The following SLC16A7 variants were observed in gnomAD, a reference collection of about 807,000 sequenced individuals.
SLC16A7 encodes the protein solute carrier family 16 member 7, also known as monocarboxylate transporter 2.
In SLC16A7, 33 loss-of-function variants were observed where a neutral mutation model predicts 34.9. That is an observed-to-expected ratio of 0.94 (90% CI 0.72 to 1.26). The LOEUF (loss-of-function observed/expected upper bound fraction) is 1.26. SLC16A7 is among the 50% of genes most tolerant of loss of function. The probability of loss-of-function intolerance (pLI) is 0.00; values close to 1 mark genes in which losing one functional copy is unlikely to be tolerated. For missense variants in SLC16A7, 573 were observed against 578.1 expected (o/e 0.99, Z 0.09); for synonymous variants, 201 against 206.6 (o/e 0.97, Z 0.23).
At chr12:59,764,368 C>G (rs1592672332) in intron 3 of SLC16A7, among the ~76,000 whole-genome samples, 1 of 152,246 alleles carries the variant, frequency 6.6e-6, no homozygotes, top group South Asian at 2.1e-4. Flanking sequence ...TTTTAGAGTA[C>G]ATGTGCACAA....
At chr12:59,688,458 G>C (rs1176725794) in intron 2 of SLC16A7, among the ~76,000 whole-genome samples, 2 of 152,046 alleles carry the variant, frequency 1.3e-5, no homozygotes, top group African/African-American at 2.4e-5. Flanking sequence ...TGACATCTTT[G>C]AACTTTATTT....
chr12:59,723,728 T>C (rs35399130), intron 3 of SLC16A7, among the ~76,000 whole-genome samples: 11,823 of 152,114 alleles, frequency 0.078, 554 homozygotes, highest in Middle Eastern at 0.18. Context: ...CTCTGTGTGC[T>C]ATTATTAGGT....
intron 2 of SLC16A7, among the ~76,000 whole-genome samples, chr12:59,704,021 A>T (rs1364142065): frequency 6.6e-6 from 1 of 151,240 alleles, no homozygotes; most frequent in Admixed American, 6.6e-5. Flanking sequence ...GGCCAACATG[A>T]CGAAACCCCA....
Position 59,785,862 on chromosome 12 carries a change from T to G in SLC16A7, c.*6183T>G, listed in dbSNP as rs1206441117. 1 of 151,996 alleles carries G rather than the reference T, an allele frequency of 6.6e-6. No homozygotes were observed. Among genetic ancestry groups the G allele is most frequent in the Non-Finnish European group, 1.5e-5 (1 of 68,006 alleles). 9.4% of individuals were successfully genotyped at this position (151,996 alleles called of 1,614,324 possible). On this transcript the variant is annotated 3_prime_UTR_variant, in exon 6 of 6. Transcript: ENST00000547379. ...GAAAACACTGATACTGAACATTCTA[T>G]TAAAATAGAATAAGTTCGTGTAGGG...
intron 2 of SLC16A7, among the ~76,000 whole-genome samples, chr12:59,677,133 TC>T (rs1352548242): frequency 1.3e-5 from 2 of 152,178 alleles, no homozygotes; most frequent in African/African-American, 4.8e-5. Context: ...TATAATGGAA[TC>T]TAGGATGAGA....
In SLC16A7 at chr12:59,649,960, CA is replaced by C. The variant is rs200723528; in HGVS notation, c.-129-5183del. 2.0e-3 allele frequency among the ~76,000 whole-genome samples: 296 copies of C among 149,560 alleles called. 1 individual carries two copies. Among genetic ancestry groups the C allele is most frequent in the African/African-American group, 6.6e-3 (269 of 40,848 alleles). On this transcript the variant is annotated intron_variant, in intron 1 of 5. Transcript: ENST00000547379. ...GTGGAACTCCATCCCCCCTCCCCAC[CA>C]AAAAAAAAGTTCTAAAAATATTAGT...
chr12:59,653,852 C>A (rs1411865511), intron 1 of SLC16A7, among the ~76,000 whole-genome samples: 3 of 151,548 alleles, frequency 2.0e-5, no homozygotes, highest in African/African-American at 7.3e-5. Context: ...GTTCTGTTTT[C>A]TTTGGCCTTA....
At chr12:59,772,753 G>T (rs529304892) in intron 4 of SLC16A7, among the ~76,000 whole-genome samples, 1 of 152,064 alleles carries the variant, frequency 6.6e-6, no homozygotes, top group Admixed American at 6.6e-5. Context: ...TGTAAAAAAT[G>T]AATACGTAGT....
At position 59,730,278 on chromosome 12, in the gene SLC16A7, A is replaced by G. The variant is rs573597601; in HGVS notation, c.217+25260A>G. 1.1e-4 allele frequency among the ~76,000 whole-genome samples: 16 copies of G among 151,898 alleles called. No homozygotes were observed. The South Asian group carries it at 3.3e-3, about 32-fold the overall frequency. On this transcript the variant is annotated intron_variant, in intron 3 of 5. Coordinates refer to ENST00000547379, the MANE Select transcript of SLC16A7 (RefSeq NM_001270623.2). ...CCGTTAGCACTGTCTACCAAAAATA[A>G]CTTAATTTTCTACTCCCGTCCACAT...
rs769714200 is a variant in SLC16A7 at position 59,775,223 on chromosome 12, C to T, written c.928C>T (p.Arg310Ter). Reference protein sequence around the residue: ...VGLIANSKYIRPRIQYFFSFA... With the variant: ...VGLIANSKYI ...ATTAATTGCAAACTCCAAATATATTCGACCTCGAATTCAGTACTTCTTCAG... is the reference window on the plus strand; with the variant it reads ...ATTAATTGCAAACTCCAAATATATTTGACCTCGAATTCAGTACTTCTTCAG... The change falls in exon 5 of 6, where the codon CGA becomes TGA. Residue 310 changes from arginine (R) to a stop codon, truncating the protein, a stop_gained. Transcript: ENST00000547379. LOFTEE classifies it high-confidence loss of function. 6.8e-6 allele frequency: 11 copies of T among 1,614,072 alleles called. No individual in the cohort carries two copies. The highest frequency in any genetic ancestry group is 1.7e-5 in the Admixed American group (1 of 59,994).
At chr12:59,768,113 T>G in intron 3 of SLC16A7, 1 of 449,692 alleles carries the variant, frequency 2.2e-6, no homozygotes, top group Non-Finnish European at 4.4e-6. Flanking sequence ...AAATACATTT[T>G]GTAAGCTTAC....
intron 3 of SLC16A7, among the ~76,000 whole-genome samples, chr12:59,743,603 T>C (rs777270322): frequency 2.6e-5 from 4 of 152,226 alleles, no homozygotes; most frequent in African/African-American, 4.8e-5. Flanking sequence ...TTGTAAAAAT[T>C]GTCTAAATCA....
intron 3 of SLC16A7, among the ~76,000 whole-genome samples, chr12:59,706,176 A>G (rs1180352500): frequency 2.0e-5 from 3 of 152,150 alleles, no homozygotes; most frequent in African/African-American, 7.2e-5. Context: ...CTTTACATCT[A>G]GAGAGTGACA....
At chr12:59,764,547 T>C (rs1487617554) in intron 3 of SLC16A7, among the ~76,000 whole-genome samples, 3 of 148,648 alleles carry the variant, frequency 2.0e-5, no homozygotes, top group Non-Finnish European at 4.5e-5. Context: ...GTGTTCTCAT[T>C]GTTCAATTCC....
intron 1 of SLC16A7, among the ~76,000 whole-genome samples, chr12:59,623,439 C>T (rs1465909226): frequency 1.3e-5 from 2 of 151,264 alleles, no homozygotes; most frequent in Admixed American, 1.3e-4. Context: ...GGCCTATCTC[C>T]CTATTCTGGT....
chr12:59,773,328 T>C (rs1410023037), intron 4 of SLC16A7, among the ~76,000 whole-genome samples: 1 of 152,266 alleles, frequency 6.6e-6, no homozygotes, highest in East Asian at 1.9e-4. Flanking sequence ...TTGTCAGCTT[T>C]TAGGGGTCCT....
At chr12:59,647,590 C>T (rs1868268600) in intron 1 of SLC16A7, among the ~76,000 whole-genome samples, 1 of 150,920 alleles carries the variant, frequency 6.6e-6, no homozygotes, top group African/African-American at 2.4e-5. Flanking sequence ...GAAATGATCA[C>T]ATCAGGTAAA....
chr12:59,636,791 T>C (rs1880449197), intron 1 of SLC16A7, among the ~76,000 whole-genome samples: 1 of 152,176 alleles, frequency 6.6e-6, no homozygotes, highest in Admixed American at 6.6e-5. Context: ...AATGTTATAC[T>C]AGTTTTATGT....
intron 3 of SLC16A7, among the ~76,000 whole-genome samples, chr12:59,726,538 T>G (rs1269544280): frequency 6.6e-6 from 1 of 152,150 alleles, no homozygotes; most frequent in East Asian, 1.9e-4. Flanking sequence ...TTACTGCTCT[T>G]GGATATTGAA....
Sources: allele counts gnomAD v4.1 joint callset (sites outside exome capture counted in the v4.1 genomes callset), GRCh38; gene constraint gnomAD v4.1.1; transcripts MANE v1.5; gene names NCBI Gene and HGNC (gene_info 2026-07-23, HGNC 2026-07-21).